The following CLMP variants were observed in gnomAD, a reference collection of about 807,000 sequenced individuals.
CLMP encodes the protein CXADR like cell adhesion molecule, also known as CXADR-like membrane protein.
Under a neutral mutation model 45.2 loss-of-function variants are expected in CLMP, and 27 were observed. The ratio of observed to expected loss-of-function variants is 0.60; its 90% CI spans 0.44 to 0.82. The LOEUF is 0.82. Among genes scored for constraint, CLMP ranks in the 40% least tolerant of loss-of-function variants. CLMP has a pLI of 0.00. For missense variants in CLMP, 403 were observed against 448.4 expected (o/e 0.90, Z 0.91); for synonymous variants, 167 against 171.4 (o/e 0.97, Z 0.20).
intron 1 of CLMP, among the ~76,000 whole-genome samples, chr11:123,155,722 C>T (rs986796238): frequency 6.6e-6 from 1 of 152,168 alleles, no homozygotes; most frequent in Non-Finnish European, 1.5e-5. Flanking sequence ...GTATTCATGT[C>T]CTTGTATAGT....
At chr11:123,158,753 C>G (rs929070379) in intron 1 of CLMP, among the ~76,000 whole-genome samples, 3 of 152,218 alleles carry the variant, frequency 2.0e-5, no homozygotes, top group Non-Finnish European at 2.9e-5. Flanking sequence ...TGATTTGTCA[C>G]TTCCTGGCTG....
chr11:123,104,907 A>T (rs1016475633), intron 1 of CLMP, among the ~76,000 whole-genome samples: 2 of 152,172 alleles, frequency 1.3e-5, no homozygotes, highest in Non-Finnish European at 2.9e-5. Flanking sequence ...TCACAAAACT[A>T]ATTAGTGGCA....
chr11:123,183,616 C>T lies in CLMP; in HGVS notation c.28+11297G>A, dbSNP rs1249709891. Among the ~76,000 whole-genome samples, 3 of 152,292 alleles carry T rather than the reference C, an allele frequency of 2.0e-5. No individual in the cohort carries two copies. The South Asian group carries it at 6.2e-4, about 32-fold the overall frequency. On this transcript the variant is annotated intron_variant, in intron 1 of 6. Coordinates refer to ENST00000448775, the MANE Select transcript of CLMP (RefSeq NM_024769.5). ...TCTTGGGACTGTCCCAGTTTTAGCA[C>T]TGAGAATCCTGCATTCCATGTCCTG...
intron 1 of CLMP, among the ~76,000 whole-genome samples, chr11:123,158,466 A>T (rs1861443578): frequency 6.6e-6 from 1 of 152,166 alleles, no homozygotes; most frequent in Non-Finnish European, 1.5e-5. Context: ...GACTCCAGGG[A>T]CTGTGCTGCT....
chr11:123,100,396 A>C (rs1463445556), intron 1 of CLMP, among the ~76,000 whole-genome samples: 5 of 151,548 alleles, frequency 3.3e-5, no homozygotes, highest in Admixed American at 2.0e-4. Flanking sequence ...AAAAAAAAAA[A>C]ACCAAAGATT....
chr11:123,171,836 A>G (rs1431808196), intron 1 of CLMP, among the ~76,000 whole-genome samples: 1 of 152,218 alleles, frequency 6.6e-6, no homozygotes, highest in Non-Finnish European at 1.5e-5. Context: ...GTAATACTTT[A>G]AAAATAGAAG....
At chr11:123,134,769 CT>C (rs1861046260) in intron 1 of CLMP, among the ~76,000 whole-genome samples, 1 of 151,544 alleles carries the variant, frequency 6.6e-6, no homozygotes, top group Non-Finnish European at 1.5e-5. Context: ...GATTGTGCCA[CT>C]GCACTCCAGC....
intron 1 of CLMP, 83 bp downstream of exon 1, chr11:123,194,830 C>G (rs1431623143): frequency 3.2e-6 from 5 of 1,548,234 alleles, no homozygotes; most frequent in Non-Finnish European, 4.4e-6. Context: ...CAGGGACACC[C>G]GGTCAGAACC....
At chr11:123,186,955 T>C (rs1335351821) in intron 1 of CLMP, among the ~76,000 whole-genome samples, 1 of 152,116 alleles carries the variant, frequency 6.6e-6, no homozygotes, top group Non-Finnish European at 1.5e-5. Context: ...GGTCGCTGAC[T>C]TCAAGCAGAC....
chr11:123,108,175 C>A (rs10892964), intron 1 of CLMP, among the ~76,000 whole-genome samples: 3,114 of 152,226 alleles, frequency 0.02, 99 homozygotes, highest in East Asian at 0.17. Context: ...CTTTCCCAAT[C>A]CCACACCCAG....
chr11:123,076,991 C>CTTTTTTTT (rs869224079), intron 5 of CLMP, among the ~76,000 whole-genome samples: 63 of 99,644 alleles, frequency 6.3e-4, no homozygotes, highest in East Asian at 9.6e-4. Flanking sequence ...GCTATTTATT[C>CTTTTTTTT]TTTTTTTTTT....
intron 5 of CLMP, among the ~76,000 whole-genome samples, chr11:123,076,991 C>CTTTTTTTTTTTTTTTTTTTTTTTTTT (rs869224079): frequency 1.0e-5 from 1 of 99,674 alleles, no homozygotes; most frequent in African/African-American, 3.9e-5. Context: ...GCTATTTATT[C>CTTTTTTTTTTTTTTTTTTTTTTTTTT]TTTTTTTTTT....
chr11:123,088,705 A>T (rs901732051), intron 2 of CLMP, among the ~76,000 whole-genome samples: 1 of 152,126 alleles, frequency 6.6e-6, no homozygotes, highest in African/African-American at 2.4e-5. Context: ...CACTCATTGC[A>T]ACCTCCGCCT....
intron 1 of CLMP, among the ~76,000 whole-genome samples, chr11:123,148,675 C>G (rs113721988): frequency 5.9e-5 from 9 of 152,300 alleles, no homozygotes; most frequent in Non-Finnish European, 1.0e-4. Context: ...TGAAGAACTT[C>G]AAGTCTGAAT....
chr11:123,183,192 C>G (rs1175836391), intron 1 of CLMP, among the ~76,000 whole-genome samples: 2 of 152,160 alleles, frequency 1.3e-5, no homozygotes, highest in Non-Finnish European at 2.9e-5. Flanking sequence ...AACAAGCTCC[C>G]TGGTGAAACC....
At chr11:123,078,639 G>GT (rs1321354866) in intron 5 of CLMP, among the ~76,000 whole-genome samples, 46 of 143,416 alleles carry the variant, frequency 3.2e-4, no homozygotes, top group African/African-American at 1.1e-3. Context: ...GTTTTTTTTG[G>GT]TTTTTTTTGT....
intron 5 of CLMP, among the ~76,000 whole-genome samples, chr11:123,075,929 T>C (rs1455353195): frequency 2.0e-5 from 3 of 152,114 alleles, no homozygotes; most frequent in Non-Finnish European, 4.4e-5. Context: ...TCCCAGCACT[T>C]TGGGAGGCTG....
At chr11:123,094,515 T>C (rs951941312) in intron 2 of CLMP, among the ~76,000 whole-genome samples, 1 of 152,216 alleles carries the variant, frequency 6.6e-6, no homozygotes, top group Non-Finnish European at 1.5e-5. Context: ...AGCTCCTTAT[T>C]TGTAAAATGG....
At chr11:123,144,069 C>T (rs900836859) in intron 1 of CLMP, among the ~76,000 whole-genome samples, 4 of 152,160 alleles carry the variant, frequency 2.6e-5, no homozygotes, top group Non-Finnish European at 5.9e-5. Flanking sequence ...TCAGATCCGT[C>T]TCCCAGAGTG....
Sources: gnomAD v4.1 joint callset for allele counts (sites outside exome capture counted in the v4.1 genomes callset) on GRCh38, gnomAD v4.1.1 for gene constraint, MANE v1.5 for transcripts, NCBI Gene and HGNC (gene_info 2026-07-23, HGNC 2026-07-21) for gene names.